Variants in PLCXD3 observed in about 807,000 individuals in gnomAD.
PLCXD3 encodes PI-PLC X domain-containing protein 3.
Under a neutral mutation model 25.5 loss-of-function variants are expected in PLCXD3, and 19 were observed. The ratio of observed to expected loss-of-function variants is 0.75; its 90% CI spans 0.52 to 1.09. PLCXD3 has a LOEUF of 1.09. PLCXD3 is among the 50% of genes least tolerant of loss of function. The probability of loss-of-function intolerance (pLI) is 0.00; values close to 1 mark genes in which losing one functional copy is unlikely to be tolerated. For missense variants in PLCXD3, 411 were observed against 388.1 expected, an observed-to-expected ratio of 1.06 and a Z score of -0.50; for synonymous variants, 174 against 137.6, an observed-to-expected ratio of 1.26 and a Z score of -1.85.
chr5:41,383,449 T>C (rs1484790570), intron 1 of PLCXD3, among the ~76,000 whole-genome samples: 2 of 152,096 alleles, frequency 1.3e-5, no homozygotes, highest in South Asian at 2.1e-4. Context: ...AGAGTGCCAT[T>C]TGAAACTCTT....
intron 1 of PLCXD3, among the ~76,000 whole-genome samples, chr5:41,407,546 T>C (rs958970127): frequency 1.1e-4 from 17 of 152,184 alleles, no homozygotes; most frequent in African/African-American, 3.9e-4. Flanking sequence ...TCCTGGCACA[T>C]AATTTTGCCT....
At position 41,429,025 on chromosome 5, in the gene PLCXD3, T is replaced by C. The variant is rs201112032; in HGVS notation, c.104-46491A>G. Among the ~76,000 whole-genome samples, 51 of 152,258 alleles carry C rather than the reference T, an allele frequency of 3.3e-4. No homozygotes were observed. The East Asian group carries it at 6.2e-3, about 18-fold the overall frequency. ...ACACGGCATCTATTTTGAAGACGTG[T>C]TGCTTCCTGGAAGTTTTCGCAATAT... On this transcript the variant is annotated intron_variant, in intron 1 of 2. Transcript: ENST00000377801.
intron 2 of PLCXD3, among the ~76,000 whole-genome samples, chr5:41,379,058 G>T (rs144317137): frequency 2.3e-3 from 354 of 152,182 alleles, no homozygotes; most frequent in African/African-American, 8.1e-3. Context: ...ATAGAACTAT[G>T]CTGGAAGCTG....
At chr5:41,402,492 T>C (rs1484388204) in intron 1 of PLCXD3, among the ~76,000 whole-genome samples, 4 of 151,718 alleles carry the variant, frequency 2.6e-5, no homozygotes, top group Admixed American at 2.0e-4. Context: ...TATTTTATTT[T>C]ATTTGGTAAA....
In PLCXD3 at chr5:41,437,418, T is replaced by C. The variant is rs191370350; in HGVS notation, c.104-54884A>G. 2.0e-5 allele frequency among the ~76,000 whole-genome samples: 3 copies of C among 152,346 alleles called. No homozygotes were observed. The East Asian group carries it at 5.8e-4, about 29-fold the overall frequency. On this transcript the variant is annotated intron_variant, in intron 1 of 2. Coordinates refer to ENST00000377801, the MANE Select transcript of PLCXD3 (RefSeq NM_001005473.3). ...AACTATTAAGTATTTACAAAGACTA[T>C]AATAATGCAGCCCTGTGATAGTGAC...
intron 1 of PLCXD3, among the ~76,000 whole-genome samples, chr5:41,448,849 T>A (rs1274970917): frequency 6.6e-6 from 1 of 152,228 alleles, no homozygotes; most frequent in African/African-American, 2.4e-5. Flanking sequence ...CTTCTTAGTA[T>A]GACATTTATA....
At chr5:41,426,768 A>C (rs968204637) in intron 1 of PLCXD3, among the ~76,000 whole-genome samples, 2 of 152,034 alleles carry the variant, frequency 1.3e-5, no homozygotes, top group African/African-American at 2.4e-5. Flanking sequence ...CTTGCATCCC[A>C]TTCCTTCTTA....
intron 1 of PLCXD3, among the ~76,000 whole-genome samples, chr5:41,386,664 A>G (rs756169955): frequency 2.0e-5 from 3 of 152,128 alleles, no homozygotes; most frequent in Non-Finnish European, 2.9e-5. Context: ...CTCTTAAAAG[A>G]GACAACAAGC....
chr5:41,481,102 TAAAAAAAAAA>T (rs554092157), intron 1 of PLCXD3, among the ~76,000 whole-genome samples: 112 of 72,906 alleles, frequency 1.5e-3, no homozygotes, highest in South Asian at 2.5e-3. Context: ...ACCTAATTTG[TAAAAAAAAAA>T]AAAAAAAAAA....
At chr5:41,325,107 G>GTT (rs1743588729) in intron 2 of PLCXD3, among the ~76,000 whole-genome samples, 1 of 152,166 alleles carries the variant, frequency 6.6e-6, no homozygotes, top group Admixed American at 6.6e-5. Flanking sequence ...GAACACAAGA[G>GTT]TGTTCTTTTT....
chr5:41,475,473 C>G (rs866422423), intron 1 of PLCXD3, among the ~76,000 whole-genome samples: 3 of 152,244 alleles, frequency 2.0e-5, no homozygotes, highest in Non-Finnish European at 4.4e-5. Flanking sequence ...CCTGTTAGTT[C>G]CTGTGAATTC....
intron 1 of PLCXD3, among the ~76,000 whole-genome samples, chr5:41,412,786 C>G (rs1400528929): frequency 6.6e-6 from 1 of 152,176 alleles, no homozygotes; most frequent in Non-Finnish European, 1.5e-5. Context: ...TTGATATTGT[C>G]TGGACTTGGT....
intron 1 of PLCXD3, among the ~76,000 whole-genome samples, chr5:41,489,730 C>G (rs560162266): frequency 1.6e-4 from 25 of 152,164 alleles, no homozygotes; most frequent in Admixed American, 5.2e-4. Flanking sequence ...ATTTGGCTCT[C>G]TGTTTGTCTG....
intron 2 of PLCXD3, among the ~76,000 whole-genome samples, chr5:41,340,996 A>C (rs116818443): frequency 6.6e-6 from 1 of 152,216 alleles, no homozygotes; most frequent in African/African-American, 2.4e-5. Context: ...CCACCAAAGT[A>C]AGGTATTCTA....
intron 2 of PLCXD3, among the ~76,000 whole-genome samples, chr5:41,365,636 C>A (rs1744912688): frequency 1.3e-5 from 2 of 152,114 alleles, no homozygotes; most frequent in Non-Finnish European, 2.9e-5. Flanking sequence ...CCTGGGTAAC[C>A]TGAAGAGTGC....
intron 1 of PLCXD3, among the ~76,000 whole-genome samples, chr5:41,444,095 T>C (rs1209977711): frequency 6.6e-6 from 1 of 152,174 alleles, no homozygotes; most frequent in African/African-American, 2.4e-5. Flanking sequence ...AATTTCACCC[T>C]ATAATTGGTG....
intron 1 of PLCXD3, among the ~76,000 whole-genome samples, chr5:41,466,778 G>A (rs1416582422): frequency 6.6e-6 from 1 of 151,922 alleles, no homozygotes; most frequent in African/African-American, 2.4e-5. Flanking sequence ...AACTTTATTA[G>A]ATTCCTCATA....
intron 2 of PLCXD3, among the ~76,000 whole-genome samples, chr5:41,358,805 G>A (rs1468670810): frequency 6.6e-6 from 1 of 152,102 alleles, no homozygotes; most frequent in Non-Finnish European, 1.5e-5. Flanking sequence ...AGTTCTCAGG[G>A]GGAGTGCTTT....
At chr5:41,496,998 T>G (rs1434830674) in intron 1 of PLCXD3, among the ~76,000 whole-genome samples, 1 of 151,602 alleles carries the variant, frequency 6.6e-6, no homozygotes. Flanking sequence ...TTTTTTAATT[T>G]AAATAATGTG....
Sources: gnomAD v4.1 joint callset for allele counts (sites outside exome capture counted in the v4.1 genomes callset) on GRCh38, gnomAD v4.1.1 for gene constraint, MANE v1.5 for transcripts, NCBI Gene and HGNC (gene_info 2026-07-23, HGNC 2026-07-21) for gene names.